DPP10: variants seen among roughly 807,000 people sequenced by gnomAD.
The protein encoded by DPP10 is dipeptidyl peptidase like 10.
A neutral mutation model predicts 120.9 loss-of-function variants in DPP10; 33 were observed. That is an observed-to-expected ratio of 0.27 (90% CI 0.21 to 0.37). The LOEUF (loss-of-function observed/expected upper bound fraction) is 0.37. Among genes scored for constraint, DPP10 ranks in the 10% least tolerant of loss-of-function variants. The pLI is 1.00. For synonymous variants in DPP10, 337 were observed against 326.1 expected, an observed-to-expected ratio of 1.03 and a Z score of -0.36; for missense variants, 816 against 942.8, an observed-to-expected ratio of 0.87 and a Z score of 1.76.
intron 1 of DPP10, among the ~76,000 whole-genome samples, chr2:114,567,517 G>A (rs1689294146): frequency 6.6e-6 from 1 of 152,118 alleles, no homozygotes; most frequent in Non-Finnish European, 1.5e-5. Flanking sequence ...ATAAGCCAAG[G>A]AACGTATGAG....
chr2:115,832,825 C>G (rs1689070835), intron 21 of DPP10, among the ~76,000 whole-genome samples: 1 of 151,886 alleles, frequency 6.6e-6, no homozygotes, highest in Non-Finnish European at 1.5e-5. Context: ...TAAAGCTTCA[C>G]TCATCTAGGG....
chr2:115,728,401 A>T (rs919681670), intron 8 of DPP10, among the ~76,000 whole-genome samples: 1 of 152,144 alleles, frequency 6.6e-6, no homozygotes, highest in Non-Finnish European at 1.5e-5. Flanking sequence ...AAACCCACAT[A>T]AAGAGTTATT....
rs13404658 is a variant in DPP10 at position 114,928,806 on chromosome 2, A to G, written c.61-380433A>G. Among the ~76,000 whole-genome samples the G allele has an allele frequency of 4.0e-3, 614 of 152,244 alleles. 1 individual carries two copies. Among genetic ancestry groups the G allele is most frequent in the African/African-American group, 0.014 (601 of 41,558 alleles). ...AGCTTTCACCACTCTTGCATTCTGGACATCTACAGACATAGCACGAGGTGT... is the reference window on the plus strand; with the variant it reads ...AGCTTTCACCACTCTTGCATTCTGGGCATCTACAGACATAGCACGAGGTGT... On this transcript the variant is annotated intron_variant, in intron 1 of 25. Coordinates refer to ENST00000410059, the MANE Select transcript of DPP10 (RefSeq NM_020868.6).
intron 1 of DPP10, among the ~76,000 whole-genome samples, chr2:115,080,019 T>A (rs1708138739): frequency 6.6e-6 from 1 of 152,128 alleles, no homozygotes; most frequent in Non-Finnish European, 1.5e-5. Flanking sequence ...CTAACAGCCT[T>A]GTATATCTTT....
At chr2:114,717,882 C>T (rs1006585214) in intron 1 of DPP10, among the ~76,000 whole-genome samples, 1 of 152,142 alleles carries the variant, frequency 6.6e-6, no homozygotes, top group African/African-American at 2.4e-5. Flanking sequence ...TCTGTATTTA[C>T]AAAGAATCTT....
intron 3 of DPP10, among the ~76,000 whole-genome samples, chr2:115,495,565 T>C (rs2076353180): frequency 6.6e-6 from 1 of 152,090 alleles, no homozygotes; most frequent in African/African-American, 2.4e-5. Context: ...GAAAATGCTT[T>C]ATTATCTGCT....
At chr2:114,503,080 G>C (rs1219330346) in intron 1 of DPP10, among the ~76,000 whole-genome samples, 2 of 152,142 alleles carry the variant, frequency 1.3e-5, no homozygotes, top group South Asian at 2.1e-4. Flanking sequence ...GATTTAACTT[G>C]GACTGCTCTT....
intron 8 of DPP10, among the ~76,000 whole-genome samples, chr2:115,735,850 A>G (rs538333824): frequency 6.6e-6 from 1 of 151,868 alleles, no homozygotes; most frequent in African/African-American, 2.4e-5. Flanking sequence ...TTTGTTAATT[A>G]TGTTGTTACA....
At chr2:115,486,705 C>G (rs1574988002) in intron 3 of DPP10, among the ~76,000 whole-genome samples, 2 of 152,094 alleles carry the variant, frequency 1.3e-5, no homozygotes, top group Admixed American at 1.3e-4. Context: ...GCAAACAACC[C>G]TTCTGGTGGG....
At chr2:115,710,199 G>T (rs942623895) in intron 7 of DPP10, among the ~76,000 whole-genome samples, 1 of 151,994 alleles carries the variant, frequency 6.6e-6, no homozygotes, top group African/African-American at 2.4e-5. Flanking sequence ...AATATGATAG[G>T]GGAACTCGGA....
At chr2:115,256,427 A>T (rs946989678) in intron 1 of DPP10, among the ~76,000 whole-genome samples, 9 of 152,184 alleles carry the variant, frequency 5.9e-5, no homozygotes, top group African/African-American at 2.2e-4. Context: ...ACCGAGGCTT[A>T]TGGCATGCCT....
At chr2:115,674,702 A>T in intron 5 of DPP10, among the ~76,000 whole-genome samples, 1 of 152,182 alleles carries the variant, frequency 6.6e-6, no homozygotes. Context: ...AATATGCATG[A>T]AGTGATTGAA....
intron 1 of DPP10, among the ~76,000 whole-genome samples, chr2:115,029,806 T>C (rs998007315): frequency 6.6e-6 from 1 of 152,192 alleles, no homozygotes; most frequent in Non-Finnish European, 1.5e-5. Context: ...TTAAGTTTTG[T>C]TTAGCAGATC....
intron 1 of DPP10, among the ~76,000 whole-genome samples, chr2:114,759,204 T>A (rs1330391018): frequency 1.3e-5 from 2 of 152,206 alleles, no homozygotes; most frequent in Admixed American, 6.5e-5. Context: ...TTCCTGGTAA[T>A]TGATGCTTTC....
At chr2:115,416,634 A>G (rs1227700497) in intron 3 of DPP10, among the ~76,000 whole-genome samples, 1 of 152,188 alleles carries the variant, frequency 6.6e-6, no homozygotes, top group Non-Finnish European at 1.5e-5. Context: ...TCTTCCTTAG[A>G]TATTCAGATA....
intron 1 of DPP10, among the ~76,000 whole-genome samples, chr2:114,922,097 C>T (rs1457245973): frequency 1.3e-5 from 2 of 152,192 alleles, no homozygotes; most frequent in Non-Finnish European, 1.5e-5. Flanking sequence ...ATATAATTTA[C>T]ATACCATAAA....
At chr2:114,882,489 A>G (rs1691726840) in intron 1 of DPP10, among the ~76,000 whole-genome samples, 1 of 151,798 alleles carries the variant, frequency 6.6e-6, no homozygotes, top group African/African-American at 2.4e-5. Context: ...AATGTAATGG[A>G]CTTTGGGGAC....
At chr2:115,343,710 T>C in intron 2 of DPP10, 107 bp from the exon 3 acceptor site, 1 of 648,302 alleles carries the variant, frequency 1.5e-6, no homozygotes, top group South Asian at 2.3e-5. Flanking sequence ...CTTTATATTG[T>C]TATGTAGTTA....
chr2:115,159,233 C>A (rs11900572), intron 1 of DPP10, among the ~76,000 whole-genome samples: 19,080 of 151,896 alleles, frequency 0.13, 1,381 homozygotes, highest in African/African-American at 0.17. Context: ...CCGGGGTGGG[C>A]GGATAACTAG....
Sources: gnomAD v4.1 joint callset for allele counts (sites outside exome capture counted in the v4.1 genomes callset) on GRCh38, gnomAD v4.1.1 for gene constraint, MANE v1.5 for transcripts, NCBI Gene and HGNC (gene_info 2026-07-23, HGNC 2026-07-21) for gene names.